DGKB: variants seen among roughly 807,000 people sequenced by gnomAD.
DGKB encodes the protein diacylglycerol kinase beta.
DGKB carries 67 observed loss-of-function variants against 114.3 expected under a neutral mutation model. That is an observed-to-expected ratio of 0.59 (90% CI 0.48 to 0.72). The LOEUF (loss-of-function observed/expected upper bound fraction) is 0.72. DGKB is among the 30% of genes least tolerant of loss of function. The pLI is 0.00. For synonymous variants in DGKB, 398 were observed against 323.1 expected, an observed-to-expected ratio of 1.23 and a Z score of -2.49; for missense variants, 907 against 975.2, an observed-to-expected ratio of 0.93 and a Z score of 0.93.
chr7:14,791,242 T>C (rs746075644), intron 2 of DGKB, among the ~76,000 whole-genome samples: 3 of 152,212 alleles, frequency 2.0e-5, no homozygotes, highest in African/African-American at 7.2e-5. Flanking sequence ...TGTCAATATA[T>C]AGAAATACAA....
chr7:14,194,188 C>T lies in DGKB; in HGVS notation c.2123-16037G>A, dbSNP rs538281766. 1.1e-4 allele frequency among the ~76,000 whole-genome samples: 17 copies of T among 152,240 alleles called. No individual in the cohort carries two copies. The South Asian group carries it at 2.9e-3, about 26-fold the overall frequency. Reference sequence around the variant, plus strand: ...AGAATTAACATGTGATCTAGCAATTCCACTACTGGATGTATAGCCAAAGGA... The same window carrying T: ...AGAATTAACATGTGATCTAGCAATTTCACTACTGGATGTATAGCCAAAGGA... On this transcript the variant is annotated intron_variant, in intron 23 of 25. Transcript: ENST00000402815.
In DGKB at chr7:14,721,070, C is replaced by G. The variant is rs576549970; in HGVS notation, c.323-2385G>C. Among the ~76,000 whole-genome samples, 58 of 152,234 alleles carry G rather than the reference C, an allele frequency of 3.8e-4. No homozygotes were observed. In the South Asian group the frequency reaches 0.012, roughly 31 times the overall value. On this transcript the variant is annotated intron_variant, in intron 5 of 25. Transcript: ENST00000402815. ...GAGCTAATCCTCTTTTCCAATGTTT[C>G]CCCCTGTGGTACTGAAATGATTTAA... is the stretch of plus-strand genomic sequence containing the variant.
chr7:14,176,908 A>G lies in DGKB; in HGVS notation c.2244-9T>C, dbSNP rs1584263492. 1 of 1,613,256 alleles carries G rather than the reference A, an allele frequency of 6.2e-7. No homozygotes were observed. Among genetic ancestry groups the G allele is most frequent in the Non-Finnish European group, 8.5e-7 (1 of 1,179,254 alleles). On this transcript the variant is annotated splice_polypyrimidine_tract_variant and intron_variant, in intron 24 of 25. Coordinates refer to ENST00000402815, the MANE Select transcript of DGKB (RefSeq NM_001350709.2). ...GCAGAGACTTGCTCGTCCTGGGGGA[A>G]AATATTTCATTGTAAGTATTGCAAG...
intron 21 of DGKB, among the ~76,000 whole-genome samples, chr7:14,444,142 C>T (rs1327961234): frequency 6.6e-6 from 1 of 151,662 alleles, no homozygotes; most frequent in African/African-American, 2.4e-5. Context: ...AATAGTGAGA[C>T]CTTGTCAAAA....
chr7:14,839,169 A>G (rs1203827096), intron 2 of DGKB, among the ~76,000 whole-genome samples: 2 of 152,080 alleles, frequency 1.3e-5, no homozygotes, highest in East Asian at 1.9e-4. Context: ...TGGAGGACAC[A>G]TATCTCTTCA....
At chr7:14,190,482 TTTG>T (rs1784131351) in intron 23 of DGKB, among the ~76,000 whole-genome samples, 1 of 152,052 alleles carries the variant, frequency 6.6e-6, no homozygotes. Flanking sequence ...AGGCCTAGGA[TTTG>T]TTATTAATTT....
intron 21 of DGKB, among the ~76,000 whole-genome samples, chr7:14,369,650 T>C (rs779151383): frequency 3.9e-5 from 6 of 152,240 alleles, no homozygotes; most frequent in Non-Finnish European, 7.3e-5. Context: ...GTGGTTTTGA[T>C]TTGCATTTCT....
chr7:14,430,119 C>T (rs1291945366), intron 21 of DGKB, among the ~76,000 whole-genome samples: 1 of 152,122 alleles, frequency 6.6e-6, no homozygotes, highest in East Asian at 1.9e-4. Flanking sequence ...TAGTGTTTCT[C>T]TGTGGCCCGT....
At chr7:14,229,337 G>A (rs1028250259) in intron 23 of DGKB, among the ~76,000 whole-genome samples, 1 of 151,844 alleles carries the variant, frequency 6.6e-6, no homozygotes, top group Non-Finnish European at 1.5e-5. Context: ...AAATATAGAT[G>A]GTATAGTTTA....
At chr7:14,653,691 G>T (rs1048534125) in intron 13 of DGKB, among the ~76,000 whole-genome samples, 2 of 151,664 alleles carry the variant, frequency 1.3e-5, no homozygotes, top group Non-Finnish European at 2.9e-5. Context: ...TGATCAAGTA[G>T]GAGTTATCCC....
intron 25 of DGKB, among the ~76,000 whole-genome samples, chr7:14,175,512 G>C (rs2108205): frequency 0.48 from 72,326 of 151,956 alleles, 20,045 homozygotes; most frequent in African/African-American, 0.77. Context: ...CATCCACTTT[G>C]ATTTTACTTC....
At chr7:14,960,080 G>A (rs1180572369) in intron 1 of DGKB, among the ~76,000 whole-genome samples, 1 of 151,494 alleles carries the variant, frequency 6.6e-6, no homozygotes, top group Admixed American at 6.6e-5. Context: ...AATTAGAAAT[G>A]TACCTCAGTG....
chr7:14,382,284 G>A, intron 21 of DGKB, among the ~76,000 whole-genome samples: 1 of 151,388 alleles, frequency 6.6e-6, no homozygotes, highest in Non-Finnish European at 1.5e-5. Flanking sequence ...TATACAAACA[G>A]TGGCAATTTT....
chr7:14,208,824 A>C (rs1787256859), intron 23 of DGKB, among the ~76,000 whole-genome samples: 1 of 151,650 alleles, frequency 6.6e-6, no homozygotes, highest in Admixed American at 6.6e-5. Flanking sequence ...GTCCTATATG[A>C]GTGCTCCAAG....
In DGKB at chr7:14,962,076, A is replaced by C. The variant is rs530384610; in HGVS notation, c.-188+12620T>G. ...ACCAGCCATAAAACCGTTTGTCTAA[A>C]ACTTTAAAAAAATTGTAACTTTGAA... On this transcript the variant is annotated intron_variant, in intron 1 of 4. Transcript: ENST00000437998. Among the ~76,000 whole-genome samples, 3 of 152,262 alleles carry C rather than the reference A, an allele frequency of 2.0e-5. No individual in the cohort carries two copies. In the South Asian group the frequency reaches 6.2e-4, roughly 32 times the overall value.
chr7:14,327,201 T>C (rs1808895020), intron 23 of DGKB, among the ~76,000 whole-genome samples: 2 of 152,154 alleles, frequency 1.3e-5, no homozygotes, highest in African/African-American at 4.8e-5. Context: ...ACACCTGTTA[T>C]AGTTCCTTTT....
At chr7:14,231,109 T>TTCTC (rs1158575958) in intron 23 of DGKB, among the ~76,000 whole-genome samples, 1 of 126,710 alleles carries the variant, frequency 7.9e-6, no homozygotes. Flanking sequence ...CTTTCTTTCT[T>TTCTC]TCTTTCTTTC....
At chr7:14,430,620 T>C (rs1485242337) in intron 21 of DGKB, among the ~76,000 whole-genome samples, 1 of 152,186 alleles carries the variant, frequency 6.6e-6, no homozygotes, top group Non-Finnish European at 1.5e-5. Context: ...TTATGTTCAG[T>C]GCTAAGATGC....
At chr7:14,770,492 C>G (rs899319120) in intron 2 of DGKB, among the ~76,000 whole-genome samples, 1 of 152,104 alleles carries the variant, frequency 6.6e-6, no homozygotes, top group Admixed American at 6.6e-5. Context: ...AGAACTGTAG[C>G]AAATCTAAAG....
Sources: allele counts gnomAD v4.1 joint callset (sites outside exome capture counted in the v4.1 genomes callset), GRCh38; gene constraint gnomAD v4.1.1; transcripts MANE v1.5; gene names NCBI Gene and HGNC (gene_info 2026-07-23, HGNC 2026-07-21).